The following ZMAT4 variants were observed in gnomAD, a reference collection of about 807,000 sequenced individuals.
ZMAT4 encodes the protein zinc finger matrin-type 4, also known as zinc finger matrin-type protein 4.
In ZMAT4, 17 loss-of-function variants were observed where a neutral mutation model predicts 28.7. The ratio of observed to expected loss-of-function variants is 0.59; its 90% CI spans 0.41 to 0.89. ZMAT4 has a LOEUF of 0.89. Among genes scored for constraint, ZMAT4 ranks in the 40% least tolerant of loss-of-function variants. The probability of loss-of-function intolerance (pLI) is 0.00; values close to 1 mark genes in which losing one functional copy is unlikely to be tolerated. For missense variants in ZMAT4, 240 were observed against 283.8 expected (o/e 0.85, Z 1.11); for synonymous variants, 117 against 109.2 (o/e 1.07, Z -0.44).
At position 40,532,247 on chromosome 8, in the gene ZMAT4, C is replaced by A. The variant is rs201497601; in HGVS notation, c.675-9G>T. 15 of 1,580,702 alleles carry A rather than the reference C, an allele frequency of 9.5e-6. No individual in the cohort carries two copies. Among genetic ancestry groups the A allele is most frequent in the African/African-American group, 5.4e-5 (4 of 73,716 alleles). The stretch of plus-strand genomic sequence containing the variant: ...ACTACTTATTCTTCAGGCTATAAGA[C>A]AGAAGGAAACACAGTGTTACCTTCT... On this transcript the variant is annotated splice_polypyrimidine_tract_variant and intron_variant, in intron 6 of 6. Coordinates refer to ENST00000297737, the MANE Select transcript of ZMAT4 (RefSeq NM_024645.3).
chr8:40,711,097 T>A (rs1810597087), intron 3 of ZMAT4, among the ~76,000 whole-genome samples: 1 of 152,210 alleles, frequency 6.6e-6, no homozygotes, highest in Non-Finnish European at 1.5e-5. Context: ...ATTTTTCAAA[T>A]AGCTCCAAAT....
intron 3 of ZMAT4, among the ~76,000 whole-genome samples, chr8:40,747,460 A>G (rs944315949): frequency 3.9e-5 from 6 of 152,074 alleles, no homozygotes; most frequent in African/African-American, 1.4e-4. Context: ...CTTGGTTATG[A>G]TTCGGTTTTA....
intron 5 of ZMAT4, among the ~76,000 whole-genome samples, chr8:40,633,375 G>C (rs1367619622): frequency 6.6e-6 from 1 of 152,164 alleles, no homozygotes; most frequent in East Asian, 1.9e-4. Context: ...CCATTAAGTG[G>C]GAAAGTGACA....
chr8:40,562,122 C>T (rs1418684726), intron 6 of ZMAT4, among the ~76,000 whole-genome samples: 1 of 152,180 alleles, frequency 6.6e-6, no homozygotes, highest in Non-Finnish European at 1.5e-5. Flanking sequence ...TTCAAAATGT[C>T]CATTCAAAGT....
chr8:40,601,470 A>AGG (rs1805319151), intron 5 of ZMAT4, among the ~76,000 whole-genome samples: 8 of 58,874 alleles, frequency 1.4e-4, no homozygotes, highest in South Asian at 8.0e-4. Context: ...GGAAGAAAGG[A>AGG]AAGAAAGAAA....
chr8:40,726,163 A>C (rs1019086669), intron 3 of ZMAT4, among the ~76,000 whole-genome samples: 3 of 152,210 alleles, frequency 2.0e-5, no homozygotes, highest in Admixed American at 6.5e-5. Flanking sequence ...TTAGAACAGC[A>C]TCCTTGCACA....
intron 3 of ZMAT4, among the ~76,000 whole-genome samples, chr8:40,720,206 A>T (rs889072423): frequency 6.6e-6 from 1 of 152,224 alleles, no homozygotes; most frequent in Non-Finnish European, 1.5e-5. Context: ...AAATAAAAGC[A>T]ATTCCATTCA....
chr8:40,757,713 C>T (rs773433493), intron 3 of ZMAT4, among the ~76,000 whole-genome samples: 14 of 152,000 alleles, frequency 9.2e-5, no homozygotes, highest in Non-Finnish European at 1.9e-4. Context: ...CAATGAATTA[C>T]CTCTTGCGAT....
intron 6 of ZMAT4, among the ~76,000 whole-genome samples, chr8:40,569,366 C>G (rs1804020898): frequency 6.6e-6 from 1 of 152,280 alleles, no homozygotes; most frequent in South Asian, 2.1e-4. Context: ...TGGCTAAACT[C>G]AAAATTCTAC....
chr8:40,612,809 TTG>T (rs1805846169), intron 5 of ZMAT4, among the ~76,000 whole-genome samples: 3 of 115,948 alleles, frequency 2.6e-5, no homozygotes, highest in Non-Finnish European at 5.8e-5. Context: ...ATTTTGGTTT[TTG>T]TTTTTTTTTT....
In ZMAT4 at chr8:40,674,855, A is replaced by G; in HGVS notation, c.426T>C (p.Asp142=). The part of the protein sequence containing the change: ...PVVASPYQRR[D]SDRYCGLCAA... ...CACAGAGCCCACAGTATCTGTCTGA[A>G]TCTCTTCTTTGATAGGGAGATGCGA... Residue 142 remains aspartate, a synonymous_variant, in exon 5 of 7, where the codon GAT becomes GAC. Transcript: ENST00000297737. 6.2e-7 allele frequency: 1 copy of G among 1,613,844 alleles called. No homozygotes were observed. Among genetic ancestry groups the G allele is most frequent in the Non-Finnish European group, 8.5e-7 (1 of 1,179,900 alleles).
chr8:40,694,645 T>A (rs1167251865), intron 4 of ZMAT4, among the ~76,000 whole-genome samples: 1 of 152,058 alleles, frequency 6.6e-6, no homozygotes, highest in African/African-American at 2.4e-5. Context: ...CTGTTGGGAC[T>A]CAAAACAATA....
intron 2 of ZMAT4, among the ~76,000 whole-genome samples, chr8:40,799,877 A>G (rs988478544): frequency 3.9e-5 from 6 of 152,230 alleles, no homozygotes; most frequent in African/African-American, 1.4e-4. Flanking sequence ...GACTTGGATT[A>G]GTTGTAAGTG....
rs202133757 is a variant in ZMAT4 at position 40,697,405 on chromosome 8, C to A, written c.193-4G>T. 2.6e-6 allele frequency: 4 copies of A among 1,565,794 alleles called. No homozygotes were observed. Among genetic ancestry groups the A allele is most frequent in the African/African-American group, 2.7e-5 (2 of 73,490 alleles). On this transcript the variant is annotated splice_polypyrimidine_tract_variant and splice_region_variant and intron_variant, in intron 3 of 6. Transcript: ENST00000297737. The stretch of plus-strand genomic sequence containing the variant: ...CCACCATGTCGGCATCACTTCCCTG[C>A]GCAGGGAGAAAGAAAGGCCACGTGT...
intron 6 of ZMAT4, among the ~76,000 whole-genome samples, chr8:40,565,377 C>CTTTTT (rs66960843): frequency 1.3e-5 from 1 of 78,596 alleles, no homozygotes; most frequent in Non-Finnish European, 2.5e-5. Context: ...GTGCCACCAT[C>CTTTTT]TTTTTTTTTT....
chr8:40,816,657 G>T (rs1470162950), intron 2 of ZMAT4, among the ~76,000 whole-genome samples: 1 of 152,182 alleles, frequency 6.6e-6, no homozygotes, highest in Non-Finnish European at 1.5e-5. Context: ...AGGAAAACCA[G>T]AAGGTTCTAT....
intron 1 of ZMAT4, among the ~76,000 whole-genome samples, chr8:40,850,995 C>A (rs780070669): frequency 1.3e-5 from 2 of 152,116 alleles, no homozygotes; most frequent in Non-Finnish European, 2.9e-5. Context: ...TAAAAATAAA[C>A]CATTACATGT....
At chr8:40,892,992 T>C (rs1047116329) in intron 1 of ZMAT4, among the ~76,000 whole-genome samples, 2 of 152,196 alleles carry the variant, frequency 1.3e-5, no homozygotes, top group Non-Finnish European at 2.9e-5. Flanking sequence ...AACCTTCCCT[T>C]TTTAACATCT....
At chr8:40,723,542 C>CAAAAAAAAAAA (rs58513087) in intron 3 of ZMAT4, among the ~76,000 whole-genome samples, 1 of 66,854 alleles carries the variant, frequency 1.5e-5, no homozygotes, top group Non-Finnish European at 2.6e-5. Context: ...GATTCCATCT[C>CAAAAAAAAAAA]AAAAAAAAAA....
Sources: gnomAD v4.1 joint callset for allele counts (sites outside exome capture counted in the v4.1 genomes callset) on GRCh38, gnomAD v4.1.1 for gene constraint, MANE v1.5 for transcripts, NCBI Gene and HGNC (gene_info 2026-07-23, HGNC 2026-07-21) for gene names.